The following SLC14A2 variants were observed in gnomAD, a reference collection of about 807,000 sequenced individuals.
SLC14A2 encodes the protein solute carrier family 14 member 2, also known as urea transporter 2.
Under a neutral mutation model 104.6 loss-of-function variants are expected in SLC14A2, and 91 were observed. That is an observed-to-expected ratio of 0.87 (90% CI 0.73 to 1.04). The LOEUF is 1.04. Ranked by LOEUF, SLC14A2 falls within the 50% of genes least tolerant of loss-of-function variation. SLC14A2 has a pLI of 0.00. For missense variants in SLC14A2, 1,189 were observed against 1,156.0 expected (o/e 1.03, Z -0.41); for synonymous variants, 476 against 466.4 (o/e 1.02, Z -0.27).
chr18:45,567,042 G>A (rs1358747763), intron 2 of SLC14A2, among the ~76,000 whole-genome samples: 1 of 147,620 alleles, frequency 6.8e-6, no homozygotes, highest in Non-Finnish European at 1.5e-5. Flanking sequence ...TATAGCTGAG[G>A]ACATGTGCAC....
chr18:45,232,441 T>A (rs537992200), intron 1 of SLC14A2, among the ~76,000 whole-genome samples: 1 of 152,316 alleles, frequency 6.6e-6, no homozygotes, highest in Admixed American at 6.5e-5. Context: ...CAATTCAACA[T>A]GGGATTTCAG....
chr18:45,585,688 A>G (rs2044556475), intron 2 of SLC14A2, among the ~76,000 whole-genome samples: 1 of 152,068 alleles, frequency 6.6e-6, no homozygotes, highest in South Asian at 2.1e-4. Flanking sequence ...TTGTCTGGTG[A>G]CCCACAGCCT....
At chr18:45,262,419 A>G (rs986692292) in intron 1 of SLC14A2, among the ~76,000 whole-genome samples, 1 of 152,174 alleles carries the variant, frequency 6.6e-6, no homozygotes, top group African/African-American at 2.4e-5. Flanking sequence ...TTAGCCAGGC[A>G]ATCACACCGC....
intron 1 of SLC14A2, among the ~76,000 whole-genome samples, chr18:45,323,799 C>T (rs1171893332): frequency 1.3e-5 from 2 of 152,194 alleles, no homozygotes; most frequent in South Asian, 2.1e-4. Context: ...TATGTAGTCT[C>T]AGCCCTGCCT....
chr18:45,224,615 C>T (rs901468688), intron 1 of SLC14A2, among the ~76,000 whole-genome samples: 1 of 151,976 alleles, frequency 6.6e-6, no homozygotes, highest in Non-Finnish European at 1.5e-5. Flanking sequence ...TGCTATTTGA[C>T]ACTTATCTGC....
the SLC14A2 span, among the ~76,000 whole-genome samples, chr18:45,195,727 A>G: frequency 2.0e-5 from 3 of 152,286 alleles, no homozygotes; most frequent in Admixed American, 1.3e-4. Flanking sequence ...CGGGGAAAGT[A>G]ACTTCTATAT....
At chr18:45,190,851 C>T in the SLC14A2 span, among the ~76,000 whole-genome samples, 1 of 152,126 alleles carries the variant, frequency 6.6e-6, no homozygotes, top group South Asian at 2.1e-4. Flanking sequence ...ATAATTTGCC[C>T]AAGGCCTCAC....
chr18:45,211,531 C>T (rs1022804375), upstream of SLC14A2, among the ~76,000 whole-genome samples: 6 of 151,980 alleles, frequency 3.9e-5, no homozygotes, highest in Non-Finnish European at 8.8e-5. Context: ...ATCTCTCCAC[C>T]ATTCTACCCT....
intron 10 of SLC14A2, among the ~76,000 whole-genome samples, chr18:45,654,040 A>G (rs1342198646): frequency 6.6e-6 from 1 of 152,168 alleles, no homozygotes; most frequent in Admixed American, 6.5e-5. Context: ...TGCCTCTTTA[A>G]AGGAAACCTA....
intron 1 of SLC14A2, among the ~76,000 whole-genome samples, chr18:45,318,653 G>T (rs932196732): frequency 3.3e-5 from 5 of 152,028 alleles, no homozygotes; most frequent in African/African-American, 1.2e-4. Flanking sequence ...TGGGCATGGT[G>T]GTGGGTGCCT....
Position 45,624,617 on chromosome 18 carries a change from T to C in SLC14A2, c.-34-14T>C. The C allele has an allele frequency of 6.4e-7, 1 of 1,570,732 alleles. No individual in the cohort carries two copies. The highest frequency in any genetic ancestry group is 1.3e-5 in the African/African-American group (1 of 74,126). On this transcript the variant is annotated splice_polypyrimidine_tract_variant and intron_variant, in intron 1 of 19. Transcript: ENST00000255226. ...GTCCTGACTCACTAGCTCTTTCCCT[T>C]TCCTTCCGTCTAGTCCATCGATAGA...
chr18:45,451,949 G>GAACCTTAGTTAATCAC (rs1210469448), intron 1 of SLC14A2, among the ~76,000 whole-genome samples: 6 of 152,092 alleles, frequency 3.9e-5, no homozygotes, highest in Non-Finnish European at 8.8e-5. Context: ...TGGTTAATCA[G>GAACCTTAGTTAATCAC]AACCTTAGTT....
chr18:45,587,218 G>A lies in SLC14A2; in HGVS notation c.-34-37413G>A, dbSNP rs181722414. 2.8e-3 allele frequency among the ~76,000 whole-genome samples: 431 copies of A among 152,124 alleles called. 7 individuals are homozygous for A. Among genetic ancestry groups the A allele is most frequent in the Admixed American group, 0.018 (278 of 15,290 alleles). On this transcript the variant is annotated intron_variant, in intron 2 of 20. Coordinates refer to the SLC14A2 transcript ENST00000586448. The stretch of plus-strand genomic sequence containing the variant: ...TTGAACTCCTGGCCTCAAGTGATCC[G>A]CCTGCCTCGGCCTCCCACAGTGCTG...
At chr18:45,384,652 G>A (rs1242857624) in intron 1 of SLC14A2, among the ~76,000 whole-genome samples, 1 of 151,876 alleles carries the variant, frequency 6.6e-6, no homozygotes, top group Non-Finnish European at 1.5e-5. Flanking sequence ...GGTATTCAGT[G>A]CCTCTCCCCC....
chr18:45,598,385 A>G (rs974542127), intron 2 of SLC14A2, among the ~76,000 whole-genome samples: 1 of 152,164 alleles, frequency 6.6e-6, no homozygotes, highest in Non-Finnish European at 1.5e-5. Flanking sequence ...GGGTCTGCTC[A>G]GGAGAGTGGC....
At chr18:45,249,282 C>CTT (rs879493629) in intron 1 of SLC14A2, among the ~76,000 whole-genome samples, 16 of 141,064 alleles carry the variant, frequency 1.1e-4, no homozygotes, top group African/African-American at 3.4e-4. Flanking sequence ...ATGCTCCAGC[C>CTT]TTTTTTTTTT....
At chr18:45,238,300 T>C (rs955608517) in intron 1 of SLC14A2, among the ~76,000 whole-genome samples, 1 of 152,188 alleles carries the variant, frequency 6.6e-6, no homozygotes, top group African/African-American at 2.4e-5. Flanking sequence ...GGAAGGTGAA[T>C]ACAAGACTAA....
At chr18:45,424,032 C>G (rs1344981736) in intron 1 of SLC14A2, 1 of 152,192 alleles carries the variant, frequency 6.6e-6, no homozygotes, top group Non-Finnish European at 1.5e-5. Context: ...GATATGCTAA[C>G]CAATGCCACT....
At chr18:45,418,278 C>T (rs1269991869) in intron 1 of SLC14A2, among the ~76,000 whole-genome samples, 1 of 152,114 alleles carries the variant, frequency 6.6e-6, no homozygotes, top group Non-Finnish European at 1.5e-5. Context: ...CATAAAGAAC[C>T]TGGATAGTTA....
Sources: allele counts gnomAD v4.1 joint callset (sites outside exome capture counted in the v4.1 genomes callset), GRCh38; gene constraint gnomAD v4.1.1; transcripts MANE v1.5; gene names NCBI Gene and HGNC (gene_info 2026-07-23, HGNC 2026-07-21).